FRMD1: variants seen among roughly 807,000 people sequenced by gnomAD.
FRMD1 encodes the protein FERM domain-containing protein 1.
A neutral mutation model predicts 54.9 loss-of-function variants in FRMD1; 51 were observed. The observed-to-expected ratio is 0.93, with a 90% CI of 0.74 to 1.17. The LOEUF is 1.17. Ranked by LOEUF, FRMD1 falls within the 50% of genes most tolerant of loss-of-function variation. FRMD1 has a pLI of 0.00. For synonymous variants in FRMD1, 324 were observed against 306.4 expected, an observed-to-expected ratio of 1.06 and a Z score of -0.60; for missense variants, 729 against 743.0, an observed-to-expected ratio of 0.98 and a Z score of 0.22.
chr6:168,081,643 C>T, upstream of FRMD1: 2 of 880,662 alleles, frequency 2.3e-6, no homozygotes, highest in Non-Finnish European at 3.3e-6. Context: ...TGTGGGAATG[C>T]TGTTCCGTGG....
chr6:168,075,354 G>A lies in FRMD1; in HGVS notation c.214-19C>T, dbSNP rs1417581740. 7 of 1,606,062 alleles carry A rather than the reference G, an allele frequency of 4.4e-6. No homozygotes were observed. The highest frequency in any genetic ancestry group is 6.0e-6 in the Non-Finnish European group (7 of 1,175,840). On this transcript the variant is annotated intron_variant, in intron 1 of 10. Transcript: ENST00000283309. ...CCTTCACCTGCAAAAGAGGTGGGGAGGGGTTCAGGGAGGGGCCGGCACCTG... is the reference window on the plus strand; with the variant it reads ...CCTTCACCTGCAAAAGAGGTGGGGAAGGGTTCAGGGAGGGGCCGGCACCTG...
intron 5 of FRMD1, 115 bp downstream of exon 5, chr6:168,064,756 C>G: frequency 6.8e-7 from 1 of 1,462,046 alleles, no homozygotes; most frequent in South Asian, 1.4e-5. Flanking sequence ...ATCCCTGACC[C>G]TTGCTCCAGC....
At chr6:168,078,806 ACCCCCACGGCCACCCGGAGCC>A (rs1164379854) in intron 1 of FRMD1, 55 bp downstream of exon 1, 64 of 1,126,772 alleles carry the variant, frequency 5.7e-5, no homozygotes, top group East Asian at 1.3e-4. Flanking sequence ...GGCCCTGCTC[ACCCCCACGGCCACCCGGAGCC>A]CTGCTCACCC....
chr6:168,074,354 C>T (rs1289109838), intron 2 of FRMD1, among the ~76,000 whole-genome samples: 1 of 152,182 alleles, frequency 6.6e-6, no homozygotes, highest in Non-Finnish European at 1.5e-5. Context: ...ACAGCACAAT[C>T]GGCATTGTGC....
upstream of FRMD1, among the ~76,000 whole-genome samples, chr6:168,080,315 C>T (rs1800792358): frequency 1.3e-5 from 2 of 152,126 alleles, no homozygotes; most frequent in South Asian, 4.1e-4. Context: ...CTTCCCAGAC[C>T]CTCGAGGCCA....
chr6:168,068,859 G>A (rs938550674), intron 2 of FRMD1, among the ~76,000 whole-genome samples: 2 of 152,246 alleles, frequency 1.3e-5, no homozygotes, highest in African/African-American at 4.8e-5. Context: ...TACCCACAGA[G>A]GCCTGCAGAA....
In FRMD1 at chr6:168,053,146, C is replaced by G. The variant is rs371496425; in HGVS notation, c.*3951G>C. On this transcript the variant is annotated 3_prime_UTR_variant, in exon 11 of 11. Coordinates refer to ENST00000283309, the MANE Select transcript of FRMD1 (RefSeq NM_024919.6). ...GCCTGTGATTAATAAACAATTAACCCGCGCCATTTTCCCCACTGCGTGTTC... is the reference window on the plus strand; with the variant it reads ...GCCTGTGATTAATAAACAATTAACCGGCGCCATTTTCCCCACTGCGTGTTC... The G allele has an allele frequency of 2.2e-5, 3 of 137,664 alleles. No individual in the cohort carries two copies. Among genetic ancestry groups the G allele is most frequent in the Non-Finnish European group, 4.7e-5 (3 of 64,114 alleles). The allele number at this position is 137,664 out of a possible 1,614,324, so 8.5% of individuals were successfully genotyped here.
At chr6:168,080,079 C>T (rs550582636), upstream of FRMD1, among the ~76,000 whole-genome samples, 2 of 152,290 alleles carry the variant, frequency 1.3e-5, no homozygotes, top group East Asian at 1.9e-4. Context: ...TGGGACCTTC[C>T]TCTAGTAAGG....
intron 6 of FRMD1, 113 bp from the exon 7 acceptor site, chr6:168,063,072 C>G: frequency 1.2e-6 from 1 of 832,808 alleles, no homozygotes; most frequent in Non-Finnish European, 2.1e-6. Flanking sequence ...CCAGGCTGAG[C>G]TCTGGGGCCC....
At chr6:168,088,882 T>G (rs1177762029) in intron 1 of FRMD1, among the ~76,000 whole-genome samples, 1 of 39,620 alleles carries the variant, frequency 2.5e-5, no homozygotes, top group Non-Finnish European at 7.0e-5. Context: ...ACCTCCCCAC[T>G]CCTTGTGTCC....
chr6:168,087,277 C>T (rs1489287740), intron 1 of FRMD1, among the ~76,000 whole-genome samples: 1 of 152,192 alleles, frequency 6.6e-6, no homozygotes, highest in Non-Finnish European at 1.5e-5. Flanking sequence ...CCATGTTGCC[C>T]AGACCGGTCT....
chr6:168,062,861 G>C lies in FRMD1; in HGVS notation c.870+33C>G, dbSNP rs763607665. 14 of 1,608,716 alleles carry C rather than the reference G, an allele frequency of 8.7e-6. No individual in the cohort carries two copies. The South Asian group carries it at 1.4e-4, about 16-fold the overall frequency. ...GGAGGAGGGGGTGGGGGCAGGACGA[G>C]GGGCTCTGTGAGGCTGGAGCCCCTT... On this transcript the variant is annotated intron_variant, in intron 7 of 10. Transcript: ENST00000283309.
chr6:168,074,889 CTG>C (rs67086510), intron 2 of FRMD1, among the ~76,000 whole-genome samples: 112,794 of 149,562 alleles, frequency 0.75, 42,539 homozygotes, highest in Middle Eastern at 0.82. Flanking sequence ...TGGTGCGTAA[CTG>C]TGTGCATGTG....
chr6:168,071,643 G>A (rs1408204065), intron 2 of FRMD1, among the ~76,000 whole-genome samples: 3 of 152,268 alleles, frequency 2.0e-5, no homozygotes, highest in Non-Finnish European at 4.4e-5. Context: ...GTGTCAAGGG[G>A]ACAGGGAGAA....
chr6:168,064,350 A>T (rs529123355), intron 5 of FRMD1, among the ~76,000 whole-genome samples: 4 of 152,300 alleles, frequency 2.6e-5, no homozygotes, highest in African/African-American at 9.6e-5. Flanking sequence ...ACAGCCATCA[A>T]TCCGCGCGGC....
rs1370409148 is a variant in FRMD1, at chr6:168,055,414, T to C, written c.*1683A>G. 1 of 152,500 alleles carries C rather than the reference T, an allele frequency of 6.6e-6. No individual in the cohort carries two copies. Among genetic ancestry groups the C allele is most frequent in the Non-Finnish European group, 1.5e-5 (1 of 68,250 alleles). 9.4% of individuals were successfully genotyped at this position (152,500 alleles called of 1,614,324 possible). ...GCATGTGGATGTGTGCATGTGTGCA[T>C]GTAGGTCTTGGCTCAGACCCTGCTT... is the stretch of plus-strand genomic sequence containing the variant. On this transcript the variant is annotated 3_prime_UTR_variant, in exon 11 of 11. Transcript: ENST00000283309.
chr6:168,081,158 T>C (rs538006873), upstream of FRMD1, among the ~76,000 whole-genome samples: 2 of 152,118 alleles, frequency 1.3e-5, no homozygotes, highest in Non-Finnish European at 2.9e-5. Flanking sequence ...GCCCCCGTTG[T>C]ATTCCTGGGA....
intron 4 of FRMD1, chr6:168,065,768 G>A (rs919284168): frequency 3.0e-5 from 30 of 992,864 alleles, no homozygotes; most frequent in African/African-American, 1.2e-4. Context: ...ACAACCACAC[G>A]CCCCTCACCC....
At position 168,066,159 on chromosome 6, in the gene FRMD1, G is replaced by A. The variant is rs140410085; in HGVS notation, c.461+596C>T. ...ACCTCCAGAAGCCTCGCCCACCCCC[G>A]GATGGTATACCCACCCTAGAGAGTA... On this transcript the variant is annotated intron_variant, in intron 4 of 10. Coordinates refer to ENST00000283309, the MANE Select transcript of FRMD1 (RefSeq NM_024919.6). 157 of 986,558 alleles carry A rather than the reference G, an allele frequency of 1.6e-4. 2 individuals carry two copies. The East Asian group carries it at 0.015, about 93-fold the overall frequency. 61.1% of individuals were successfully genotyped at this position (986,558 alleles called of 1,614,324 possible).
Sources: gnomAD v4.1 joint callset for allele counts (sites outside exome capture counted in the v4.1 genomes callset) on GRCh38, gnomAD v4.1.1 for gene constraint, MANE v1.5 for transcripts, NCBI Gene and HGNC (gene_info 2026-07-23, HGNC 2026-07-21) for gene names.